TGS1: variants seen among roughly 807,000 people sequenced by gnomAD.
The protein encoded by TGS1 is trimethylguanosine synthase 1, also known as trimethylguanosine synthase.
A neutral mutation model predicts 92.2 loss-of-function variants in TGS1; 69 were observed. The ratio of observed to expected loss-of-function variants is 0.75; its 90% confidence interval spans 0.62 to 0.91. The LOEUF (loss-of-function observed/expected upper bound fraction) is 0.91, where lower values mean the gene tolerates loss of function less well. Ranked by LOEUF, TGS1 falls within the 40% of genes least tolerant of loss-of-function variation. The probability of loss-of-function intolerance (pLI) is 0.00; values close to 1 mark genes in which losing one functional copy is unlikely to be tolerated. For missense variants in TGS1, 1,062 were observed against 1,001.2 expected (o/e 1.06, Z -0.82); for synonymous variants, 345 against 338.1 (o/e 1.02, Z -0.22).
At chr8:55,794,181 C>T (rs1811973341) in intron 6 of TGS1, among the ~76,000 whole-genome samples, 1 of 152,118 alleles carries the variant, frequency 6.6e-6, no homozygotes, top group Non-Finnish European at 1.5e-5. Context: ...GCCTTCCTTC[C>T]TTAGGGTCTC....
intron 12 of TGS1, among the ~76,000 whole-genome samples, chr8:55,821,570 TATATA>T (rs1803634759): frequency 6.6e-6 from 1 of 152,102 alleles, no homozygotes; most frequent in Non-Finnish European, 1.5e-5. Context: ...ATTTATGGCT[TATATA>T]AGAAATAATA....
chr8:55,812,683 C>G (rs1313525979), intron 11 of TGS1, among the ~76,000 whole-genome samples: 1 of 151,026 alleles, frequency 6.6e-6, no homozygotes, highest in Non-Finnish European at 1.5e-5. Flanking sequence ...GACCCTGTCT[C>G]AAAAATAAAT....
intron 5 of TGS1, among the ~76,000 whole-genome samples, chr8:55,790,942 T>C (rs1811863982): frequency 6.7e-6 from 1 of 150,306 alleles, no homozygotes; most frequent in Admixed American, 6.7e-5. Context: ...ATCATAACTT[T>C]TAACTAATAA....
In TGS1 at chr8:55,782,146, C is replaced by CTTTA. The variant is rs201552456; in HGVS notation, c.102-554_102-551dup. ...TATCAGATGTCCAGAAGAACTTACA[C>CTTTA]TTTATTTATTTATTTATTTATTTAT... On this transcript the variant is annotated intron_variant, in intron 1 of 12. Coordinates refer to ENST00000260129, the MANE Select transcript of TGS1 (RefSeq NM_024831.8). Among the ~76,000 whole-genome samples the CTTTA allele has an allele frequency of 9.3e-4, 141 of 150,836 alleles. 1 individual carries two copies. Among genetic ancestry groups the CTTTA allele is most frequent in the East Asian group, 4.3e-3 (22 of 5,088 alleles).
chr8:55,787,347 A>G (rs924175365), intron 4 of TGS1, among the ~76,000 whole-genome samples: 3 of 152,210 alleles, frequency 2.0e-5, no homozygotes, highest in Non-Finnish European at 4.4e-5. Context: ...TGAGCTTGGA[A>G]CTTTTAGTTT....
chr8:55,811,081 A>G lies in TGS1; in HGVS notation c.2344A>G (p.Met782Val). The change falls in exon 11 of 13, where the codon ATG becomes GTG. Residue 782 changes from methionine (M) to valine (V), a missense_variant. By Grantham distance (21) the Met-to-Val change is conservative. Transcript: ENST00000260129. ...ATAETFDIRT[M>V]MSPDGFEIFR... is the part of the protein sequence containing the mutation. ...TGCAGAGACCTTTGACATTAGAACA[A>G]TGATGTCTCCTGATGGATATCCTTT... 2.0e-6 allele frequency: 3 copies of G among 1,534,900 alleles called. No homozygotes were observed. The highest frequency in any genetic ancestry group is 2.6e-5 in the East Asian group (1 of 37,844).
chr8:55,794,734 G>T (rs1310336517), intron 6 of TGS1, among the ~76,000 whole-genome samples: 1 of 152,242 alleles, frequency 6.6e-6, no homozygotes, highest in Non-Finnish European at 1.5e-5. Flanking sequence ...AACAACTAGA[G>T]ATTTTATCGT....
chr8:55,823,436 A>G (rs1233303866), intron 12 of TGS1, among the ~76,000 whole-genome samples: 1 of 152,194 alleles, frequency 6.6e-6, no homozygotes. Flanking sequence ...CTAATAAAGG[A>G]GTTAGTCACT....
rs755173232 is a variant in TGS1 at position 55,773,647 on chromosome 8, C to A, written c.29C>A (p.Ala10Glu). The change falls in exon 1 of 13, where the codon GCG (alanine) becomes GAG (glutamate). Residue 10 changes from alanine (A) to glutamate (E), a missense_variant. Coordinates refer to ENST00000260129, the MANE Select transcript of TGS1 (RefSeq NM_024831.8). ...TGCTGCGAGAAGTGGAGCCGCGTGG[C>A]GGAAATGTTTCTCTTCATTGAGGAG... The part of the protein sequence containing the change: MCCEKWSRV[A>E]EMFLFIEERE... 2.5e-6 allele frequency: 4 copies of A among 1,610,770 alleles called. No individual in the cohort carries two copies. The highest frequency in any genetic ancestry group is 3.4e-6 in the Non-Finnish European group (4 of 1,178,702).
intron 9 of TGS1, among the ~76,000 whole-genome samples, chr8:55,803,301 T>G (rs1365194405): frequency 6.6e-6 from 1 of 152,222 alleles, no homozygotes; most frequent in African/African-American, 2.4e-5. Context: ...TCGCAAATTT[T>G]GAATTCTTTC....
rs1811731560 is a variant in TGS1, at chr8:55,786,860, T to C, written c.962T>C (p.Ile321Thr). 1 of 1,614,092 alleles carries C rather than the reference T, an allele frequency of 6.2e-7. No individual in the cohort carries two copies. The highest frequency in any genetic ancestry group is 8.5e-7 in the Non-Finnish European group (1 of 1,179,992). Residue 321 changes from isoleucine to threonine, a missense_variant, in exon 4 of 13, where the codon ATT (isoleucine) becomes ACT (threonine). Ile to Thr is a moderately conservative substitution (Grantham distance 89). Transcript: ENST00000260129. ...DKDHSEILDG[I>T]SNIKLNSEEV... ...GATCATAGTGAAATACTTGATGGAA[T>C]TAGTAACATAAAACTGAATTCAGAG...
intron 5 of TGS1, 55 bp downstream of exon 5, chr8:55,790,354 C>T (rs1811845131): frequency 1.8e-6 from 2 of 1,095,448 alleles, no homozygotes; most frequent in Non-Finnish European, 2.8e-6. Context: ...CATTTGTATG[C>T]ATAAGCCAGT....
In TGS1 at chr8:55,824,806, C is replaced by T; in HGVS notation, c.*103C>T. On this transcript the variant is annotated 3_prime_UTR_variant, in exon 13 of 13. Transcript: ENST00000260129. Reference sequence around the variant, plus strand: ...TTCACTGATATTTTCTACCCATGGTCTTATATCACCGTATGAAATGGAAAC... The same window carrying T: ...TTCACTGATATTTTCTACCCATGGTTTTATATCACCGTATGAAATGGAAAC... 1 of 1,326,520 alleles carries T rather than the reference C, an allele frequency of 7.5e-7. No individual in the cohort carries two copies. The highest frequency in any genetic ancestry group is 1.4e-5 in the South Asian group (1 of 69,092). 82.2% of individuals were successfully genotyped at this position (1,326,520 alleles called of 1,614,324 possible).
At chr8:55,822,717 G>A (rs7830270) in intron 12 of TGS1, among the ~76,000 whole-genome samples, 2,032 of 151,630 alleles carry the variant, frequency 0.013, 40 homozygotes, top group African/African-American at 0.047. Flanking sequence ...AGTGGGGGGG[G>A]TGCTTTTAAT....
chr8:55,820,712 A>G (rs1288038801), intron 12 of TGS1, among the ~76,000 whole-genome samples: 4 of 152,304 alleles, frequency 2.6e-5, no homozygotes, highest in Non-Finnish European at 5.9e-5. Context: ...TTCAGTCCTT[A>G]ATTCTAGTTC....
At position 55,786,724 on chromosome 8, in the gene TGS1, A is replaced by G; in HGVS notation, c.826A>G (p.Lys276Glu). Reference protein sequence around the residue: ...QSCDTDTYTSKTEADDKNDEK... With the variant: ...QSCDTDTYTSETEADDKNDEK... Reference sequence around the variant, plus strand: ...CTGTGATACAGATACTTACACATCTAAAACAGAAGCTGATGACAAGAACGA... The same window carrying G: ...CTGTGATACAGATACTTACACATCTGAAACAGAAGCTGATGACAAGAACGA... The change falls in exon 4 of 13, where the codon AAA (lysine) becomes GAA (glutamate). Residue 276 changes from lysine to glutamate, a missense_variant. Coordinates refer to ENST00000260129, the MANE Select transcript of TGS1 (RefSeq NM_024831.8). The G allele has an allele frequency of 2.5e-6, 4 of 1,614,180 alleles. No individual in the cohort carries two copies. Among genetic ancestry groups the G allele is most frequent in the Non-Finnish European group, 3.4e-6 (4 of 1,180,028 alleles).
chr8:55,808,526 T>G (rs1291173125), intron 10 of TGS1, among the ~76,000 whole-genome samples: 1 of 117,584 alleles, frequency 8.5e-6, no homozygotes, highest in African/African-American at 3.3e-5. Flanking sequence ...TTTTTTTTTT[T>G]GAGATGGAGT....
At chr8:55,802,385 T>A in intron 8 of TGS1, 72 bp from the exon 9 acceptor site, 1 of 1,298,262 alleles carries the variant, frequency 7.7e-7, no homozygotes, top group East Asian at 2.3e-5. Context: ...GTGGCTTCAT[T>A]TTTAGATAAA....
intron 10 of TGS1, among the ~76,000 whole-genome samples, chr8:55,808,095 A>G (rs1419818853): frequency 1.3e-5 from 2 of 152,166 alleles, no homozygotes; most frequent in Admixed American, 6.5e-5. Context: ...TCGCCTTACC[A>G]TTACATAGAT....
Sources: gnomAD v4.1 joint callset for allele counts (sites outside exome capture counted in the v4.1 genomes callset) on GRCh38, gnomAD v4.1.1 for gene constraint, MANE v1.5 for transcripts, NCBI Gene and HGNC (gene_info 2026-07-23, HGNC 2026-07-21) for gene names.